Variants in SLC4A4 observed in about 807,000 individuals in gnomAD.
SLC4A4 encodes solute carrier family 4 member 4.
Under a neutral mutation model 111.5 loss-of-function variants are expected in SLC4A4, and 27 were observed. The observed-to-expected ratio is 0.24, with a 90% CI of 0.18 to 0.33. SLC4A4 has a LOEUF of 0.33. SLC4A4 is among the 10% of genes least tolerant of loss of function. The probability of loss-of-function intolerance (pLI) is 1.00; values close to 1 mark genes in which losing one functional copy is unlikely to be tolerated. For missense variants in SLC4A4, 909 were observed against 1,315.5 expected, an observed-to-expected ratio of 0.69 and a Z score of 4.78; for synonymous variants, 443 against 463.4, an observed-to-expected ratio of 0.96 and a Z score of 0.57.
At chr4:71,481,903 C>A (rs4282136) in intron 14 of SLC4A4, among the ~76,000 whole-genome samples, 109,443 of 151,450 alleles carry the variant, frequency 0.72, 42,564 homozygotes, top group Non-Finnish European at 0.88. Flanking sequence ...TAATTGGCTA[C>A]ATCTAAGTTA....
chr4:71,069,292 T>C (rs995674152), intron 1 of SLC4A4, among the ~76,000 whole-genome samples: 18 of 152,218 alleles, frequency 1.2e-4, no homozygotes, highest in Non-Finnish European at 2.2e-4. Flanking sequence ...TGTACTTTTC[T>C]GCCTTTCTAT....
Position 71,387,280 on chromosome 4 carries a change from A to G in SLC4A4, c.731-10297A>G, listed in dbSNP as rs538496783. Among the ~76,000 whole-genome samples the G allele has an allele frequency of 1.8e-4, 28 of 152,076 alleles. 1 individual carries two copies. The South Asian group carries it at 2.3e-3, about 12-fold the overall frequency. On this transcript the variant is annotated intron_variant, in intron 6 of 25. Coordinates refer to ENST00000264485, the MANE Select transcript of SLC4A4 (RefSeq NM_001098484.3). ...AAATGGTGTCATGTTCTACTATTCT[A>G]TCTGCTCTTCTTCTTCCAGAAAGTT...
At chr4:71,499,899 C>T (rs1456066776) in intron 16 of SLC4A4, among the ~76,000 whole-genome samples, 3 of 152,172 alleles carry the variant, frequency 2.0e-5, no homozygotes, top group Non-Finnish European at 4.4e-5. Context: ...AGAGTGTTGA[C>T]ATCTCTTTGA....
chr4:71,330,832 T>C (rs1229994727), intron 3 of SLC4A4, among the ~76,000 whole-genome samples: 1 of 151,706 alleles, frequency 6.6e-6, no homozygotes, highest in Non-Finnish European at 1.5e-5. Context: ...TGCAATCTAC[T>C]CATCTGACAA....
intron 2 of SLC4A4, among the ~76,000 whole-genome samples, chr4:71,176,492 A>G (rs2148985055): frequency 6.6e-6 from 1 of 152,370 alleles, no homozygotes; most frequent in African/African-American, 2.4e-5. Context: ...AAAAGACCTG[A>G]TGGAGCTGAA....
intron 4 of SLC4A4, among the ~76,000 whole-genome samples, chr4:71,342,751 G>C (rs568554096): frequency 1.3e-5 from 2 of 152,040 alleles, no homozygotes; most frequent in Admixed American, 6.6e-5. Flanking sequence ...ATAGTTCATT[G>C]TATAGGTAAT....
intron 12 of SLC4A4, among the ~76,000 whole-genome samples, chr4:71,463,144 C>CA (rs1289667745): frequency 6.6e-6 from 1 of 152,166 alleles, no homozygotes; most frequent in Non-Finnish European, 1.5e-5. Flanking sequence ...TGGACTAGAG[C>CA]ACTTTGTGGC....
chr4:71,554,497 A>T (rs1430858847), intron 20 of SLC4A4, among the ~76,000 whole-genome samples: 2 of 151,868 alleles, frequency 1.3e-5, no homozygotes, highest in Non-Finnish European at 1.5e-5. Context: ...CTAATGCATG[A>T]AAAGGTATTA....
At chr4:71,231,712 G>A (rs982215391) in intron 1 of SLC4A4, among the ~76,000 whole-genome samples, 4 of 152,174 alleles carry the variant, frequency 2.6e-5, no homozygotes, top group Non-Finnish European at 5.9e-5. Context: ...AGCAACCCAG[G>A]GAGCTTTTTA....
In SLC4A4 at chr4:71,255,200, G is replaced by T; in HGVS notation, c.74-20G>T. 6.2e-7 allele frequency: 1 copy of T among 1,612,020 alleles called. No individual in the cohort carries two copies. The highest frequency in any genetic ancestry group is 1.1e-5 in the South Asian group (1 of 90,950). On this transcript the variant is annotated intron_variant, in intron 2 of 25. Coordinates refer to ENST00000264485, the MANE Select transcript of SLC4A4 (RefSeq NM_001098484.3). ...GAGAATGTGGTTTGAACTGACTGGT[G>T]ATTTGTGTACCTTCCTTAGGCCACC...
intron 1 of SLC4A4, among the ~76,000 whole-genome samples, chr4:71,194,830 G>T (rs1745910774): frequency 6.6e-6 from 1 of 152,160 alleles, no homozygotes; most frequent in Non-Finnish European, 1.5e-5. Context: ...AAGAATAGCT[G>T]AAAACTGGAG....
intron 6 of SLC4A4, among the ~76,000 whole-genome samples, chr4:71,389,017 A>G (rs189020672): frequency 6.6e-6 from 1 of 152,342 alleles, no homozygotes; most frequent in East Asian, 1.9e-4. Context: ...CCTAACACTG[A>G]ATCTTGGGAA....
chr4:71,109,524 C>CTTTATT (rs1241966578), intron 2 of SLC4A4, among the ~76,000 whole-genome samples: 11 of 151,678 alleles, frequency 7.3e-5, no homozygotes, highest in Middle Eastern at 3.2e-3. Flanking sequence ...GGACAGGGTC[C>CTTTATT]TTTATTTTTA....
chr4:71,122,527 A>T (rs769325497), intron 2 of SLC4A4, among the ~76,000 whole-genome samples: 14 of 152,124 alleles, frequency 9.2e-5, no homozygotes, highest in Non-Finnish European at 1.3e-4. Context: ...GCATTATAAA[A>T]ATTTGATTTG....
At chr4:71,428,071 A>G (rs1219499597) in intron 7 of SLC4A4, among the ~76,000 whole-genome samples, 1 of 152,152 alleles carries the variant, frequency 6.6e-6, no homozygotes, top group Non-Finnish European at 1.5e-5. Flanking sequence ...AATTGGCCAC[A>G]TTCCCTGAGG....
intron 7 of SLC4A4, among the ~76,000 whole-genome samples, chr4:71,427,237 A>G (rs898187680): frequency 2.6e-5 from 4 of 152,044 alleles, no homozygotes; most frequent in Non-Finnish European, 4.4e-5. Context: ...TTAAGATAAT[A>G]TATTTAGATC....
chr4:71,441,547 G>T (rs539702924), intron 8 of SLC4A4, among the ~76,000 whole-genome samples: 8 of 152,194 alleles, frequency 5.3e-5, no homozygotes, highest in Non-Finnish European at 1.0e-4. Flanking sequence ...TTTTCTGTGG[G>T]TTCCAGGGCA....
chr4:71,396,924 CTTA>C (rs760794353), intron 6 of SLC4A4, among the ~76,000 whole-genome samples: 3 of 152,188 alleles, frequency 2.0e-5, no homozygotes, highest in Non-Finnish European at 4.4e-5. Context: ...AGAGGATATA[CTTA>C]TTTTATTCTG....
chr4:71,424,572 C>A (rs1267190257), intron 7 of SLC4A4, among the ~76,000 whole-genome samples: 2 of 152,026 alleles, frequency 1.3e-5, no homozygotes, highest in Admixed American at 6.6e-5. Context: ...TTCACAATAG[C>A]AAAGACTTGG....
Sources: gnomAD v4.1 joint callset for allele counts (sites outside exome capture counted in the v4.1 genomes callset) on GRCh38, gnomAD v4.1.1 for gene constraint, MANE v1.5 for transcripts, NCBI Gene and HGNC (gene_info 2026-07-23, HGNC 2026-07-21) for gene names.